Variants in PLCB1 observed in about 807,000 individuals in gnomAD.
PLCB1 encodes 1-phosphatidylinositol 4,5-bisphosphate phosphodiesterase beta-1.
PLCB1 carries 46 observed loss-of-function variants against 161.8 expected under a neutral mutation model. The ratio of observed to expected loss-of-function variants is 0.28; its 90% CI spans 0.22 to 0.36. The LOEUF is 0.36. Among genes scored for constraint, PLCB1 ranks in the 10% least tolerant of loss-of-function variants. The pLI is 1.00. For missense variants in PLCB1, 1,016 were observed against 1,472.5 expected, an observed-to-expected ratio of 0.69 and a Z score of 5.07; for synonymous variants, 517 against 503.7, an observed-to-expected ratio of 1.03 and a Z score of -0.35.
chr20:8,824,967 G>A (rs528140671), intron 31 of PLCB1, among the ~76,000 whole-genome samples: 23 of 152,272 alleles, frequency 1.5e-4, no homozygotes, highest in African/African-American at 5.5e-4. Flanking sequence ...CAGAGGTGAA[G>A]CATCATTGGA....
intron 3 of PLCB1, among the ~76,000 whole-genome samples, chr20:8,512,121 TTG>T (rs1276166814): frequency 6.6e-6 from 1 of 152,156 alleles, no homozygotes; most frequent in Non-Finnish European, 1.5e-5. Context: ...ATTTATTGGA[TTG>T]GGGATTAAGC....
At chr20:8,566,851 A>C (rs1163762615) in intron 3 of PLCB1, among the ~76,000 whole-genome samples, 1 of 150,066 alleles carries the variant, frequency 6.7e-6, no homozygotes, top group African/African-American at 2.5e-5. Flanking sequence ...GACATACAGC[A>C]TCAACAGAAG....
At chr20:8,608,822 T>C (rs6118266) in intron 3 of PLCB1, among the ~76,000 whole-genome samples, 24,323 of 152,134 alleles carry the variant, frequency 0.16, 1,989 homozygotes, top group East Asian at 0.3. Flanking sequence ...TTTATTTTAA[T>C]TATAGTTTCT....
At chr20:8,352,177 G>T (rs1986201642) in intron 2 of PLCB1, among the ~76,000 whole-genome samples, 1 of 152,112 alleles carries the variant, frequency 6.6e-6, no homozygotes, top group Non-Finnish European at 1.5e-5. Context: ...TTCAAACCAT[G>T]CAAAGACATG....
chr20:8,619,381 G>A (rs977997792), intron 3 of PLCB1, among the ~76,000 whole-genome samples: 5 of 151,282 alleles, frequency 3.3e-5, no homozygotes, highest in South Asian at 2.1e-4. Flanking sequence ...ATTGCACCAC[G>A]GCACTCCAGC....
At chr20:8,569,860 C>T (rs1259775401) in intron 3 of PLCB1, among the ~76,000 whole-genome samples, 1 of 152,090 alleles carries the variant, frequency 6.6e-6, no homozygotes, top group African/African-American at 2.4e-5. Context: ...AATTTACTAC[C>T]AGTGTCAATT....
At chr20:8,317,530 G>GAC (rs896567727) in intron 2 of PLCB1, among the ~76,000 whole-genome samples, 4 of 138,776 alleles carry the variant, frequency 2.9e-5, no homozygotes, top group East Asian at 2.1e-4. Context: ...CCATCCCCCC[G>GAC]ACACACACAC....
chr20:8,790,473 T>C (rs953115991), intron 31 of PLCB1, among the ~76,000 whole-genome samples: 7 of 152,206 alleles, frequency 4.6e-5, no homozygotes, highest in African/African-American at 1.7e-4. Flanking sequence ...ACTGCAAATA[T>C]GCAGAACCCA....
At chr20:8,529,712 TC>T (rs1984724973) in intron 3 of PLCB1, among the ~76,000 whole-genome samples, 1 of 152,096 alleles carries the variant, frequency 6.6e-6, no homozygotes, top group African/African-American at 2.4e-5. Flanking sequence ...ACCCTCCTTC[TC>T]CAGCCATCCT....
At chr20:8,643,153 C>T (rs1989009348) in intron 4 of PLCB1, among the ~76,000 whole-genome samples, 1 of 152,112 alleles carries the variant, frequency 6.6e-6, no homozygotes, top group Non-Finnish European at 1.5e-5. Flanking sequence ...CAGTATTTCT[C>T]ACCTGGACTA....
intron 3 of PLCB1, among the ~76,000 whole-genome samples, chr20:8,526,943 G>A (rs985289225): frequency 7.9e-6 from 1 of 125,898 alleles, no homozygotes; most frequent in Non-Finnish European, 1.8e-5. Context: ...AAAGAGCAGA[G>A]CAAAACAGGG....
At chr20:8,537,484 G>A (rs189299580) in intron 3 of PLCB1, among the ~76,000 whole-genome samples, 185 of 152,038 alleles carry the variant, frequency 1.2e-3, no homozygotes, top group Middle Eastern at 6.8e-3. Flanking sequence ...CCTTTCCCTG[G>A]TGCTGGCTGT....
At chr20:8,299,788 G>A (rs529685955) in intron 2 of PLCB1, among the ~76,000 whole-genome samples, 4 of 152,140 alleles carry the variant, frequency 2.6e-5, no homozygotes, top group Admixed American at 1.3e-4. Flanking sequence ...TCACCACCAC[G>A]TCCTGTTGAT....
chr20:8,431,169 G>A (rs1980024904), intron 3 of PLCB1, among the ~76,000 whole-genome samples: 1 of 152,034 alleles, frequency 6.6e-6, no homozygotes, highest in Non-Finnish European at 1.5e-5. Context: ...AAGTGTAAAA[G>A]AAAACTGAAG....
chr20:8,765,127 C>T lies in PLCB1; in HGVS notation c.2711-12C>T, dbSNP rs1432854727. 1.9e-6 allele frequency: 3 copies of T among 1,604,090 alleles called. No individual in the cohort carries two copies. Among genetic ancestry groups the T allele is most frequent in the East Asian group, 2.2e-5 (1 of 44,816 alleles). On this transcript the variant is annotated splice_polypyrimidine_tract_variant and intron_variant, in intron 25 of 31. Transcript: ENST00000338037. The stretch of plus-strand genomic sequence containing the variant: ...CTCCCATTCCCTTAGCTTTCATATT[C>T]ATTTGTTGCAGAAGTGGAAGCACAG...
At chr20:8,536,147 G>A (rs1985041540) in intron 3 of PLCB1, among the ~76,000 whole-genome samples, 1 of 152,150 alleles carries the variant, frequency 6.6e-6, no homozygotes, top group Non-Finnish European at 1.5e-5. Flanking sequence ...AGTCATGTAA[G>A]GATGAGGGGA....
At chr20:8,199,550 TA>T (rs1814206369) in intron 2 of PLCB1, among the ~76,000 whole-genome samples, 1 of 152,154 alleles carries the variant, frequency 6.6e-6, no homozygotes, top group African/African-American at 2.4e-5. Flanking sequence ...CCTCCTTGCC[TA>T]AGTTATTTTT....
intron 3 of PLCB1, among the ~76,000 whole-genome samples, chr20:8,528,967 A>T (rs372658504): frequency 1.3e-5 from 2 of 151,992 alleles, no homozygotes; most frequent in South Asian, 2.1e-4. Context: ...TGAAAAAAAC[A>T]GTTCTACACA....
intron 3 of PLCB1, among the ~76,000 whole-genome samples, chr20:8,454,641 T>A (rs528594046): frequency 6.6e-6 from 1 of 152,292 alleles, no homozygotes; most frequent in Admixed American, 6.5e-5. Context: ...TTGTGGAGAC[T>A]GCCACTCTTA....
Sources: gnomAD v4.1 joint callset for allele counts (sites outside exome capture counted in the v4.1 genomes callset) on GRCh38, gnomAD v4.1.1 for gene constraint, MANE v1.5 for transcripts, NCBI Gene and HGNC (gene_info 2026-07-23, HGNC 2026-07-21) for gene names.